Variants in ROBO2 observed in about 807,000 individuals in gnomAD.
The protein encoded by ROBO2 is roundabout guidance receptor 2.
In ROBO2, 53 loss-of-function variants were observed where a neutral mutation model predicts 160.8. The ratio of observed to expected loss-of-function variants is 0.33; its 90% CI spans 0.26 to 0.41. The LOEUF is 0.41. ROBO2 is among the 10% of genes least tolerant of loss of function. The probability of loss-of-function intolerance (pLI) is 1.00; values close to 1 mark genes in which losing one functional copy is unlikely to be tolerated. For missense variants in ROBO2, 1,577 were observed against 1,722.4 expected (o/e 0.92, Z 1.49); for synonymous variants, 664 against 611.7 (o/e 1.09, Z -1.26).
intron 1 of ROBO2, among the ~76,000 whole-genome samples, chr3:75,927,033 T>G (rs545658973): frequency 6.6e-6 from 1 of 152,276 alleles, no homozygotes; most frequent in East Asian, 1.9e-4. Flanking sequence ...CAGATAGGAT[T>G]CTAATATTTG....
chr3:76,538,431 C>A (rs376906098), intron 2 of ROBO2, among the ~76,000 whole-genome samples: 22 of 152,248 alleles, frequency 1.4e-4, no homozygotes, highest in African/African-American at 5.1e-4. Context: ...ACCACCTGTG[C>A]CACTGAGTTA....
At position 76,829,166 on chromosome 3, in the gene ROBO2, C is replaced by G. The variant is rs117631311; in HGVS notation, c.110-268848C>G. On this transcript the variant is annotated intron_variant, in intron 2 of 26. Transcript: ENST00000487694. ...GCTTTTTCTTCTTCAACCCACCAAA[C>G]TCACATAATCTATGCTCACAGTGTC... Among the ~76,000 whole-genome samples the G allele has an allele frequency of 3.3e-5, 5 of 152,258 alleles. No individual in the cohort carries two copies. In the East Asian group the frequency reaches 9.7e-4, roughly 29 times the overall value.
chr3:76,963,967 G>A (rs1050789348), intron 2 of ROBO2, among the ~76,000 whole-genome samples: 1 of 152,026 alleles, frequency 6.6e-6, no homozygotes, highest in South Asian at 2.1e-4. Context: ...CCTGTCTCCA[G>A]GACCAAATGA....
At chr3:76,046,464 G>A (rs113233951) in intron 2 of ROBO2, among the ~76,000 whole-genome samples, 7,239 of 151,792 alleles carry the variant, frequency 0.048, 471 homozygotes, top group African/African-American at 0.13. Context: ...CCCGGCTAAC[G>A]CGGTGAAGCC....
intron 2 of ROBO2, among the ~76,000 whole-genome samples, chr3:76,640,430 C>T (rs904420237): frequency 6.6e-6 from 1 of 152,090 alleles, no homozygotes; most frequent in Admixed American, 6.6e-5. Flanking sequence ...ACTCGGGAGG[C>T]TAAGGCCACA....
At chr3:76,184,555 A>AGATC (rs1374364697) in intron 2 of ROBO2, among the ~76,000 whole-genome samples, 1 of 119,122 alleles carries the variant, frequency 8.4e-6, no homozygotes, top group East Asian at 4.0e-4. Context: ...ATAGATAGAT[A>AGATC]GATAGATAGA....
At chr3:77,071,470 A>C (rs2067404948) in intron 1 of ROBO2, among the ~76,000 whole-genome samples, 1 of 152,232 alleles carries the variant, frequency 6.6e-6, no homozygotes, top group Non-Finnish European at 1.5e-5. Flanking sequence ...GAAAATAAGA[A>C]AAACACCTTC....
chr3:76,547,555 T>A (rs1332265238), intron 2 of ROBO2, among the ~76,000 whole-genome samples: 1 of 152,092 alleles, frequency 6.6e-6, no homozygotes, highest in African/African-American at 2.4e-5. Flanking sequence ...GATGTAAAAT[T>A]ATTATTATAT....
intron 2 of ROBO2, among the ~76,000 whole-genome samples, chr3:76,184,850 A>C (rs1701668987): frequency 6.6e-6 from 1 of 152,080 alleles, no homozygotes; most frequent in Admixed American, 6.6e-5. Flanking sequence ...TAGCAGAGAA[A>C]GAGTGTAACT....
intron 2 of ROBO2, among the ~76,000 whole-genome samples, chr3:76,271,679 C>A (rs1305779188): frequency 6.6e-6 from 1 of 151,598 alleles, no homozygotes; most frequent in Non-Finnish European, 1.5e-5. Flanking sequence ...TTAGAATTAT[C>A]AACTGTATAG....
intron 2 of ROBO2, among the ~76,000 whole-genome samples, chr3:76,843,741 G>T (rs557601834): frequency 6.6e-6 from 1 of 151,902 alleles, no homozygotes; most frequent in Non-Finnish European, 1.5e-5. Flanking sequence ...ATTCAATTCT[G>T]CATTTTTACA....
At chr3:76,064,329 G>C (rs2068172451) in intron 2 of ROBO2, among the ~76,000 whole-genome samples, 1 of 152,144 alleles carries the variant, frequency 6.6e-6, no homozygotes, top group Non-Finnish European at 1.5e-5. Context: ...GAGGGGCTAA[G>C]TATTTTGCTG....
At chr3:76,085,684 A>G (rs1576796666) in intron 2 of ROBO2, among the ~76,000 whole-genome samples, 1 of 152,240 alleles carries the variant, frequency 6.6e-6, no homozygotes, top group Non-Finnish European at 1.5e-5. Context: ...GAGTTTCAAA[A>G]CCGACTTGCA....
At chr3:77,119,549 T>C (rs1485146960) in intron 2 of ROBO2, among the ~76,000 whole-genome samples, 1 of 152,208 alleles carries the variant, frequency 6.6e-6, no homozygotes, top group Non-Finnish European at 1.5e-5. Context: ...TAACTTGATA[T>C]GGGTCAAAGT....
rs2095392122 is a variant in ROBO2, at chr3:77,644,567, T to C, written c.3935-137T>C. ...AAATTTCTTTAATATCCGGTCCTGA[T>C]TAAACTTCATAATTTTAATTTTATT... On this transcript the variant is annotated intron_variant, in intron 24 of 25. Transcript: ENST00000461745. 1.8e-5 allele frequency: 14 copies of C among 798,786 alleles called. No individual in the cohort carries two copies. The South Asian group carries it at 2.2e-4, about 13-fold the overall frequency. The allele number at this position is 798,786 out of a possible 1,614,324, so 49.5% of individuals were successfully genotyped here.
chr3:76,214,970 G>C (rs995778864), intron 2 of ROBO2, among the ~76,000 whole-genome samples: 1 of 152,112 alleles, frequency 6.6e-6, no homozygotes, highest in African/African-American at 2.4e-5. Flanking sequence ...AAAACTTCCA[G>C]AGGAACAATC....
At chr3:76,132,702 C>T (rs553789699) in intron 2 of ROBO2, among the ~76,000 whole-genome samples, 1 of 152,184 alleles carries the variant, frequency 6.6e-6, no homozygotes, top group Admixed American at 6.5e-5. Flanking sequence ...TTTACATTTC[C>T]AATATTTAGT....
At chr3:76,047,543 G>A (rs2067491162) in intron 2 of ROBO2, among the ~76,000 whole-genome samples, 1 of 152,206 alleles carries the variant, frequency 6.6e-6, no homozygotes, top group Non-Finnish European at 1.5e-5. Context: ...CCCAGGATCT[G>A]GATCTCTGGT....
intron 2 of ROBO2, among the ~76,000 whole-genome samples, chr3:76,993,982 A>C (rs1261094120): frequency 1.3e-5 from 2 of 152,104 alleles, no homozygotes; most frequent in South Asian, 2.1e-4. Flanking sequence ...TCTCTGAAGA[A>C]GACTTAATGC....
Sources: gnomAD v4.1 joint callset for allele counts (sites outside exome capture counted in the v4.1 genomes callset) on GRCh38, gnomAD v4.1.1 for gene constraint, MANE v1.5 for transcripts, NCBI Gene and HGNC (gene_info 2026-07-23, HGNC 2026-07-21) for gene names.